Variants in MLLT10 observed in about 807,000 individuals in gnomAD.
MLLT10 encodes protein AF-10.
MLLT10 carries 30 observed loss-of-function variants against 129.1 expected under a neutral mutation model. The observed-to-expected ratio is 0.23, with a 90% CI of 0.17 to 0.32. MLLT10 has a LOEUF of 0.32. MLLT10 is among the 10% of genes least tolerant of loss of function. MLLT10 has a pLI of 1.00. For missense variants in MLLT10, 1,119 were observed against 1,268.3 expected (o/e 0.88, Z 1.79); for synonymous variants, 490 against 446.4 (o/e 1.10, Z -1.23).
intron 13 of MLLT10, among the ~76,000 whole-genome samples, chr10:21,712,277 C>T (rs1267417748): frequency 3.3e-5 from 5 of 151,674 alleles, no homozygotes; most frequent in Non-Finnish European, 5.9e-5. Flanking sequence ...GATACAATCA[C>T]GGCATGGTTC....
intron 13 of MLLT10, among the ~76,000 whole-genome samples, chr10:21,691,145 C>G (rs2053811724): frequency 6.6e-6 from 1 of 152,136 alleles, no homozygotes; most frequent in East Asian, 1.9e-4. Flanking sequence ...TAAATATTAT[C>G]ATCATCTTGA....
intron 3 of MLLT10, among the ~76,000 whole-genome samples, chr10:21,565,012 C>G (rs1188043392): frequency 6.6e-6 from 1 of 152,094 alleles, no homozygotes; most frequent in Non-Finnish European, 1.5e-5. Flanking sequence ...TTTCTCCACT[C>G]TGTTCCATCA....
In MLLT10 at chr10:21,724,276, C is replaced by T. The variant is rs149406023; in HGVS notation, c.1879-1968C>T. Among the ~76,000 whole-genome samples, 423 of 152,276 alleles carry T rather than the reference C, an allele frequency of 2.8e-3. 2 individuals are homozygous for T. The highest frequency in any genetic ancestry group is 9.8e-3 in the African/African-American group (409 of 41,562). On this transcript the variant is annotated intron_variant, in intron 14 of 22. Coordinates refer to ENST00000307729, the MANE Select transcript of MLLT10 (RefSeq NM_001195626.3). Reference sequence around the variant, plus strand: ...TAATAGAAAGCAAGGATGGTACATCCCAGAAACTGTTTCCGTGAACCATAA... The same window carrying T: ...TAATAGAAAGCAAGGATGGTACATCTCAGAAACTGTTTCCGTGAACCATAA...
intron 3 of MLLT10, among the ~76,000 whole-genome samples, chr10:21,581,559 C>G (rs1193590429): frequency 1.3e-5 from 2 of 152,130 alleles, no homozygotes; most frequent in African/African-American, 4.8e-5. Flanking sequence ...CCACTGAAAT[C>G]TCATCTCGAA....
At chr10:21,538,007 C>CTT (rs35201972) in intron 2 of MLLT10, among the ~76,000 whole-genome samples, 1 of 144,654 alleles carries the variant, frequency 6.9e-6, no homozygotes, top group African/African-American at 2.5e-5. Context: ...ATAAACATAC[C>CTT]TTTTTTTTTT....
intron 5 of MLLT10, among the ~76,000 whole-genome samples, chr10:21,598,111 AT>A (rs1450987105): frequency 6.6e-6 from 1 of 152,106 alleles, no homozygotes; most frequent in African/African-American, 2.4e-5. Context: ...TGGTTTTCTA[AT>A]TTCACCCTTT....
At chr10:21,704,787 T>C (rs2055337066) in intron 13 of MLLT10, among the ~76,000 whole-genome samples, 1 of 152,306 alleles carries the variant, frequency 6.6e-6, no homozygotes. Flanking sequence ...TCTGGATGTG[T>C]GCAGTCATGT....
chr10:21,717,332 A>G (rs1411326393), intron 14 of MLLT10, among the ~76,000 whole-genome samples: 1 of 138,960 alleles, frequency 7.2e-6, no homozygotes, highest in Non-Finnish European at 1.5e-5. Context: ...AGTAGAAGTT[A>G]AAAACTTAGA....
chr10:21,574,957 T>TA (rs1432690296), intron 3 of MLLT10, among the ~76,000 whole-genome samples: 1 of 152,108 alleles, frequency 6.6e-6, no homozygotes, highest in Non-Finnish European at 1.5e-5. Flanking sequence ...ATGCATAACT[T>TA]ACTGCAGTCC....
intron 8 of MLLT10, among the ~76,000 whole-genome samples, chr10:21,621,614 C>CCCCCCG (rs2045866966): frequency 1.3e-5 from 2 of 150,766 alleles, no homozygotes; most frequent in African/African-American, 4.9e-5. Context: ...CCGCCCCCCC[C>CCCCCCG]ACCCCGCCCC....
At chr10:21,728,149 A>G (rs924170779) in intron 16 of MLLT10, among the ~76,000 whole-genome samples, 5 of 152,190 alleles carry the variant, frequency 3.3e-5, no homozygotes, top group South Asian at 4.1e-4. Context: ...TTGGTTTCCA[A>G]TCAGTTCGAA....
chr10:21,732,764 T>C, intron 17 of MLLT10, 135 bp from the exon 18 acceptor site: 1 of 711,962 alleles, frequency 1.4e-6, no homozygotes, highest in South Asian at 3.5e-5. Context: ...GGAACAAAAC[T>C]TTATCATTTA....
At chr10:21,668,393 A>T (rs949271250) in intron 9 of MLLT10, among the ~76,000 whole-genome samples, 1 of 152,126 alleles carries the variant, frequency 6.6e-6, no homozygotes, top group Admixed American at 6.5e-5. Flanking sequence ...ACAGCACATT[A>T]TGGAACAAGT....
Position 21,585,961 on chromosome 10 carries a change from A to C in MLLT10, c.241-333A>C, listed in dbSNP as rs143760010. On this transcript the variant is annotated intron_variant, in intron 3 of 22. Transcript: ENST00000307729. ...TTTTTAGTAGAGACGGGGTTTCTGC[A>C]TGTTGGTCAGGCTGGTCTCGAACTC... Among the ~76,000 whole-genome samples the C allele has an allele frequency of 8.0e-4, 122 of 152,208 alleles. 2 individuals are homozygous for C. The East Asian group carries it at 0.018, about 23-fold the overall frequency.
intron 8 of MLLT10, among the ~76,000 whole-genome samples, chr10:21,621,692 C>T (rs2045878996): frequency 1.3e-5 from 2 of 151,528 alleles, no homozygotes; most frequent in South Asian, 2.1e-4. Context: ...GATTCCACAC[C>T]CCTGCCTCCC....
In MLLT10 at chr10:21,738,955, C is replaced by G. The variant is rs557446492; in HGVS notation, c.2956-1075C>G. The stretch of plus-strand genomic sequence containing the variant: ...TCTGGAGCTTCAAGCTCCTGTAATG[C>G]AGCTGCTCACTCAGTAGCTCCGCTG... On this transcript the variant is annotated intron_variant, in intron 21 of 22. Transcript: ENST00000307729. Among the ~76,000 whole-genome samples, 52 of 152,270 alleles carry G rather than the reference C, an allele frequency of 3.4e-4. No homozygotes were observed. In the South Asian group the frequency reaches 0.01, roughly 30 times the overall value.
intron 8 of MLLT10, among the ~76,000 whole-genome samples, chr10:21,634,710 A>C (rs1224205720): frequency 2.0e-5 from 3 of 152,220 alleles, no homozygotes; most frequent in African/African-American, 7.2e-5. Flanking sequence ...GAAGAACTTC[A>C]TCTGTCCATC....
At chr10:21,629,351 A>G (rs1235622336) in intron 8 of MLLT10, among the ~76,000 whole-genome samples, 1 of 152,104 alleles carries the variant, frequency 6.6e-6, no homozygotes, top group Admixed American at 6.6e-5. Flanking sequence ...AATAGATAAC[A>G]TAACATTTGC....
At chr10:21,707,384 G>A (rs1326995309) in intron 13 of MLLT10, among the ~76,000 whole-genome samples, 1 of 151,590 alleles carries the variant, frequency 6.6e-6, no homozygotes, top group East Asian at 1.9e-4. Context: ...GTAGAGACGG[G>A]GTTTCACCGT....
Sources: allele counts gnomAD v4.1 joint callset (sites outside exome capture counted in the v4.1 genomes callset), GRCh38; gene constraint gnomAD v4.1.1; transcripts MANE v1.5; gene names NCBI Gene and HGNC (gene_info 2026-07-23, HGNC 2026-07-21).